The following GPR108 variants were observed in gnomAD, a reference collection of about 807,000 sequenced individuals.
The protein encoded by GPR108 is G protein-coupled receptor 108, also known as protein GPR108.
A neutral mutation model predicts 74.3 loss-of-function variants in GPR108; 60 were observed. The observed-to-expected ratio is 0.81, with a 90% CI of 0.66 to 1.00. The LOEUF (loss-of-function observed/expected upper bound fraction) is 1.00, where lower values mean the gene tolerates loss of function less well. Ranked by LOEUF, GPR108 falls within the 50% of genes least tolerant of loss-of-function variation. GPR108 has a pLI of 0.00. For missense variants in GPR108, 667 were observed against 703.3 expected (o/e 0.95, Z 0.58); for synonymous variants, 311 against 292.4 (o/e 1.06, Z -0.65).
In GPR108 at chr19:6,733,535, C is replaced by T. The variant is rs376231437; in HGVS notation, c.723+35G>A. ...TGGGCCCGCAGTGGCCTGCAGGGGG[C>T]GCTCCCTGGCCCTGCTGCCCTCCAC... On this transcript the variant is annotated intron_variant, in intron 8 of 17. Coordinates refer to ENST00000264080, the MANE Select transcript of GPR108 (RefSeq NM_001080452.2). 34 of 1,582,328 alleles carry T rather than the reference C, an allele frequency of 2.1e-5. No individual in the cohort carries two copies. In the East Asian group the frequency reaches 5.1e-4, roughly 24 times the overall value.
Position 6,737,572 on chromosome 19 carries a change from G to T in GPR108, c.5C>A (p.Ala2Glu). The T allele has an allele frequency of 6.7e-7, 1 of 1,493,142 alleles. No homozygotes were observed. The highest frequency in any genetic ancestry group is 8.9e-7 in the Non-Finnish European group (1 of 1,127,022). 92.5% of individuals were successfully genotyped at this position (1,493,142 alleles called of 1,614,324 possible). The change falls in exon 1 of 18, where the codon GCA (alanine) becomes GAA (glutamate). Residue 2 changes from alanine (A) to glutamate (E), a missense_variant. Coordinates refer to ENST00000264080, the MANE Select transcript of GPR108 (RefSeq NM_001080452.2). M[A>E]VSERRGLGRG... ...GCCGAGCCCCCTCCTCTCGCTCACT[G>T]CCATCTCTGGAGCCACCTCCTCCCC...
At chr19:6,730,470 A>G in intron 17 of GPR108, 86 bp from the exon 18 acceptor site, 1 of 893,330 alleles carries the variant, frequency 1.1e-6, no homozygotes, top group Non-Finnish European at 1.6e-6. Flanking sequence ...GCCCCGCCCC[A>G]CTCCCCCCAA....
chr19:6,732,712 A>G (rs1968468341), intron 10 of GPR108, 163 bp from the exon 11 acceptor site: 5 of 684,238 alleles, frequency 7.3e-6, no homozygotes, highest in South Asian at 1.7e-5. Context: ...TCGGGGCTGA[A>G]AAAATGGAGG....
At position 6,732,471 on chromosome 19, in the gene GPR108, C is replaced by T; in HGVS notation, c.1007+5G>A. On this transcript the variant is annotated splice_donor_5th_base_variant and intron_variant, in intron 11 of 17. Transcript: ENST00000264080. ...CAGCTGCCCAGCAGAGTGGGGGACA[C>T]TCACAGGTGTGCGATGTAGTACATG... is the stretch of plus-strand genomic sequence containing the variant. 6.2e-7 allele frequency: 1 copy of T among 1,613,836 alleles called. No homozygotes were observed. The highest frequency in any genetic ancestry group is 2.2e-5 in the East Asian group (1 of 44,874).
In GPR108 at chr19:6,730,138, G is replaced by T. The variant is rs1332683854; in HGVS notation, c.*174C>A. The T allele has an allele frequency of 3.1e-6, 2 of 636,956 alleles. No homozygotes were observed. Among genetic ancestry groups the T allele is most frequent in the East Asian group, 2.7e-5 (1 of 36,428 alleles). The allele number at this position is 636,956 out of a possible 1,614,324, so 39.5% of individuals were successfully genotyped here. ...GTAAGGACAGGGCTGCCCAATATTT[G>T]GGGGGAGGAAGGGACTCTTCTTCCA... On this transcript the variant is annotated 3_prime_UTR_variant, in exon 18 of 18. Transcript: ENST00000264080.
At position 6,732,283 on chromosome 19, in the gene GPR108, C is replaced by T. The variant is rs2145471145; in HGVS notation, c.1105G>A (p.Gly369Arg). Residue 369 changes from glycine to arginine, a missense_variant, in exon 12 of 18, where the codon GGG becomes AGG. By Grantham distance (125) the Gly-to-Arg change is moderately radical. Transcript: ENST00000264080. ...CGCACCTGCATGGGGATCACGATCC[C>T]AAAGACCTTCTTCTCCTTATCCGAC... Reference protein sequence around the residue: ...VLSDKEKKVFGIVIPMQVLAN... With the variant: ...VLSDKEKKVFRIVIPMQVLAN... 1 of 1,612,718 alleles carries T rather than the reference C, an allele frequency of 6.2e-7. No individual in the cohort carries two copies. The highest frequency in any genetic ancestry group is 1.1e-5 in the South Asian group (1 of 91,080).
intron 3 of GPR108, 53 bp downstream of exon 3, chr19:6,735,855 C>G: frequency 6.3e-7 from 1 of 1,579,826 alleles, no homozygotes. Context: ...GAGGACAGAC[C>G]CTACCCCCTC....
At chr19:6,733,537 C>T (rs1238126479) in intron 8 of GPR108, 33 bp downstream of exon 8, 3 of 1,588,790 alleles carry the variant, frequency 1.9e-6, no homozygotes, top group Non-Finnish European at 2.6e-6. Flanking sequence ...GCAGGGGGCG[C>T]TCCCTGGCCC....
chr19:6,733,292 G>C lies in GPR108; in HGVS notation c.733C>G (p.Arg245Gly). 1 of 1,613,646 alleles carries C rather than the reference G, an allele frequency of 6.2e-7. No individual in the cohort carries two copies. The highest frequency in any genetic ancestry group is 2.2e-5 in the East Asian group (1 of 44,886). Reference protein sequence around the residue: ...EHPFDITVMIREKNPDGFLSA... With the variant: ...EHPFDITVMIGEKNPDGFLSA... ...AGGAAGCCATCGGGGTTCTTCTCCC[G>C]GATCATCACCTGCGGAGGGGGCAGT... Residue 245 changes from arginine (R) to glycine (G), a missense_variant, in exon 9 of 18, where the codon CGG becomes GGG. Coordinates refer to ENST00000264080, the MANE Select transcript of GPR108 (RefSeq NM_001080452.2).
In GPR108 at chr19:6,733,556, T is replaced by C. The variant is rs1033875101; in HGVS notation, c.723+14A>G. Reference sequence around the variant, plus strand: ...GGGGCGCTCCCTGGCCCTGCTGCCCTCCACTCCGCTCACCGTGATGTCGAA... The same window carrying C: ...GGGGCGCTCCCTGGCCCTGCTGCCCCCCACTCCGCTCACCGTGATGTCGAA... On this transcript the variant is annotated intron_variant, in intron 8 of 17. Coordinates refer to ENST00000264080, the MANE Select transcript of GPR108 (RefSeq NM_001080452.2). The C allele has an allele frequency of 1.9e-6, 3 of 1,610,976 alleles. No homozygotes were observed. Among genetic ancestry groups the C allele is most frequent in the Non-Finnish European group, 2.5e-6 (3 of 1,177,236 alleles).
chr19:6,735,899 T>C lies in GPR108; in HGVS notation c.291+9A>G. On this transcript the variant is annotated intron_variant, in intron 3 of 17. Coordinates refer to ENST00000264080, the MANE Select transcript of GPR108 (RefSeq NM_001080452.2). ...CCCTTCTCCCGTCTTCCCCATGCCC[T>C]CCACTCACTGAATAGGAGCGAACTC... 5 of 1,610,820 alleles carry C rather than the reference T, an allele frequency of 3.1e-6. No individual in the cohort carries two copies. The highest frequency in any genetic ancestry group is 4.2e-6 in the Non-Finnish European group (5 of 1,178,436).
At position 6,730,331 on chromosome 19, in the gene GPR108, C is replaced by T. The variant is rs1427786080; in HGVS notation, c.1613G>A (p.Ser538Asn). 1 of 1,613,864 alleles carries T rather than the reference C, an allele frequency of 6.2e-7. No individual in the cohort carries two copies. Among genetic ancestry groups the T allele is most frequent in the South Asian group, 1.1e-5 (1 of 91,068 alleles). ...EGLSKVNKTA[S>N]GRELL ...AGGTGATCATAACAGTTCCCGCCCG[C>T]TGGCTGTTTTGTTGACTTTGGAGAG... Residue 538 changes from serine to asparagine, a missense_variant, in exon 18 of 18, where the codon AGC (serine) becomes AAC (asparagine). Coordinates refer to ENST00000264080, the MANE Select transcript of GPR108 (RefSeq NM_001080452.2).
At position 6,731,299 on chromosome 19, in the gene GPR108, A is replaced by G. The variant is rs1370236799; in HGVS notation, c.1351-17T>C. On this transcript the variant is annotated splice_polypyrimidine_tract_variant and intron_variant, in intron 15 of 17. Transcript: ENST00000264080. The stretch of plus-strand genomic sequence containing the variant: ...GCAGATGACCTGCAGGGGCGCGAGC[A>G]GGCGTGGGGCCAGGACTGTAGGGGC... 1 of 1,540,468 alleles carries G rather than the reference A, an allele frequency of 6.5e-7. No homozygotes were observed. The highest frequency in any genetic ancestry group is 1.4e-5 in the African/African-American group (1 of 72,658).
intron 4 of GPR108, 110 bp downstream of exon 4, chr19:6,735,512 G>A: frequency 1.1e-6 from 1 of 901,150 alleles, no homozygotes. Context: ...AAAAGTAAGT[G>A]GCTTTCTCTC....
At chr19:6,731,304 T>C (rs770595761) in intron 15 of GPR108, 22 bp from the exon 16 acceptor site, 1 of 1,538,784 alleles carries the variant, frequency 6.5e-7, no homozygotes, top group South Asian at 1.2e-5. Flanking sequence ...CGAGCAGGCG[T>C]GGGGCCAGGA....
intron 3 of GPR108, 68 bp downstream of exon 3, chr19:6,735,840 A>G: frequency 1.3e-6 from 2 of 1,556,620 alleles, no homozygotes; most frequent in South Asian, 2.3e-5. Flanking sequence ...TGGGTTACAG[A>G]TGCAGAGGAC....
chr19:6,733,517 G>A (rs534610055), intron 8 of GPR108, 53 bp downstream of exon 8: 61 of 1,543,086 alleles, frequency 4.0e-5, no homozygotes, highest in African/African-American at 3.4e-4. Flanking sequence ...CTCTGGGCCC[G>A]CAGTGGCCTG....
rs1307594876 is a variant in GPR108, at chr19:6,730,471, C to T, written c.1560-87G>A. ...CCGGAACCACTCAGGCCCCGCCCCA[C>T]TCCCCCCAACCACAGCAGCCCTGGC... On this transcript the variant is annotated intron_variant, in intron 17 of 17. Coordinates refer to ENST00000264080, the MANE Select transcript of GPR108 (RefSeq NM_001080452.2). 3.6e-6 allele frequency: 4 copies of T among 1,099,492 alleles called. No homozygotes were observed. The African/African-American group carries it at 4.7e-5, about 13-fold the overall frequency. 68.1% of individuals were successfully genotyped at this position (1,099,492 alleles called of 1,614,324 possible).
chr19:6,735,887 T>C (rs1968615599), intron 3 of GPR108, 21 bp downstream of exon 3: 2 of 1,609,358 alleles, frequency 1.2e-6, no homozygotes, highest in African/African-American at 2.7e-5. Flanking sequence ...TTCTCCCGTC[T>C]TCCCCATGCC....
Sources: gnomAD v4.1 joint callset for allele counts on GRCh38, gnomAD v4.1.1 for gene constraint, MANE v1.5 for transcripts, NCBI Gene and HGNC (gene_info 2026-07-23, HGNC 2026-07-21) for gene names.